PLEKHH1: variants seen among roughly 807,000 people sequenced by gnomAD.
PLEKHH1 encodes the protein pleckstrin homology domain-containing family H member 1.
A neutral mutation model predicts 160.0 loss-of-function variants in PLEKHH1; 104 were observed. The observed-to-expected ratio is 0.65, with a 90% CI of 0.55 to 0.76. The LOEUF (loss-of-function observed/expected upper bound fraction) is 0.76, where lower values mean the gene tolerates loss of function less well. Among genes scored for constraint, PLEKHH1 ranks in the 30% least tolerant of loss-of-function variants. The pLI is 0.00. For synonymous variants in PLEKHH1, 619 were observed against 678.4 expected (o/e 0.91, Z 1.36); for missense variants, 1,427 against 1,724.1 (o/e 0.83, Z 3.05).
At position 67,539,140 on chromosome 14, in the gene PLEKHH1, A is replaced by G. The variant is rs190992128; in HGVS notation, c.-34-2694A>G. 5.9e-5 allele frequency among the ~76,000 whole-genome samples: 9 copies of G among 152,248 alleles called. No homozygotes were observed. The East Asian group carries it at 9.7e-4, about 16-fold the overall frequency. On this transcript the variant is annotated intron_variant, in intron 1 of 28. Transcript: ENST00000329153. ...TAGTCTCAGATCTGCCACTTTTCCT[A>G]TTTATACAAGGAAAAGCAAAATCCC... is the stretch of plus-strand genomic sequence containing the variant.
chr14:67,576,512 A>C lies in PLEKHH1; in HGVS notation c.2461+9A>C, dbSNP rs922815776. ...TGGTGAAGGAGATCCAGGTAAGGCA[A>C]GGGTGGCCACCACTGCTTGGGTTGG... On this transcript the variant is annotated intron_variant, in intron 17 of 28. Coordinates refer to ENST00000329153, the MANE Select transcript of PLEKHH1 (RefSeq NM_020715.3). The surrounding 1 kb of genome is among the most constrained non-coding windows in gnomAD (Gnocchi z 4.0). 4.1e-5 allele frequency: 57 copies of C among 1,402,468 alleles called. No homozygotes were observed. The highest frequency in any genetic ancestry group is 5.7e-5 in the Non-Finnish European group (56 of 987,542). The allele number at this position is 1,402,468 out of a possible 1,614,324, so 86.9% of individuals were successfully genotyped here. A position where few individuals can be genotyped will look rare whatever the true frequency, so the allele number is the denominator to read the frequency against.
chr14:67,561,701 C>G (rs2034841149), intron 5 of PLEKHH1, among the ~76,000 whole-genome samples: 1 of 151,616 alleles, frequency 6.6e-6, no homozygotes, highest in Non-Finnish European at 1.5e-5. Flanking sequence ...GAGCTTGTCT[C>G]TACAAAAAAA....
In PLEKHH1 at chr14:67,573,260, C is replaced by G. The variant is rs1163344488; in HGVS notation, c.1729-16C>G. On this transcript the variant is annotated splice_polypyrimidine_tract_variant and intron_variant, in intron 11 of 28. Coordinates refer to ENST00000329153, the MANE Select transcript of PLEKHH1 (RefSeq NM_020715.3). The surrounding 1 kb of genome is among the most constrained non-coding windows in gnomAD (Gnocchi z 4.8). ...GTGATTTCCCCTTTCTTCATCTACA[C>G]CCTTCCACCCCTCAGGAGTCACTGG... The G allele has an allele frequency of 6.5e-7, 1 of 1,534,316 alleles. No individual in the cohort carries two copies. The highest frequency in any genetic ancestry group is 1.7e-5 in the Admixed American group (1 of 59,926).
In PLEKHH1 at chr14:67,541,967, A is replaced by C. The variant is rs1472437499; in HGVS notation, c.100A>C (p.Lys34Gln). The stretch of plus-strand genomic sequence containing the variant: ...TTTCCGGTTCCGCCTACAGGCCAGC[A>C]AGATAAGGGAGCTGCTGGCTGACAA... ...QLFRFRLQAS[K>Q]IRELLADKMQ... Residue 34 changes from lysine (K) to glutamine (Q), a missense_variant, in exon 2 of 29, where the codon AAG (lysine) becomes CAG (glutamine). Lys to Gln is a moderately conservative substitution (Grantham distance 53). This residue lies in a region of PLEKHH1 where 831 missense variants were observed against 929.2 expected (regional missense o/e 0.89). Coordinates refer to ENST00000329153, the MANE Select transcript of PLEKHH1 (RefSeq NM_020715.3). The C allele has an allele frequency of 1.2e-6, 2 of 1,607,412 alleles. No individual in the cohort carries two copies. The highest frequency in any genetic ancestry group is 2.7e-5 in the African/African-American group (2 of 74,768).
chr14:67,564,059 G>A (rs1306757373), intron 7 of PLEKHH1, among the ~76,000 whole-genome samples: 4 of 151,892 alleles, frequency 2.6e-5, no homozygotes, highest in African/African-American at 7.3e-5. Context: ...CTGCCACCAC[G>A]CCCGGCCAAT....
intron 24 of PLEKHH1, 46 bp from the exon 25 acceptor site, chr14:67,583,695 T>C (rs1016058066): frequency 1.3e-6 from 2 of 1,532,254 alleles, no homozygotes; most frequent in Non-Finnish European, 8.9e-7. Flanking sequence ...ACCTGGCCCA[T>C]CCACTGTCAG....
rs977423111 is a variant in PLEKHH1 at position 67,587,390 on chromosome 14, T to C, written c.*155T>C. The C allele has an allele frequency of 5.0e-6, 4 of 807,304 alleles. No individual in the cohort carries two copies. In the African/African-American group the frequency reaches 6.9e-5, roughly 14 times the overall value. The allele number at this position is 807,304 out of a possible 1,614,324, so 50.0% of individuals were successfully genotyped here. A position where few individuals can be genotyped will look rare whatever the true frequency, so the allele number is the denominator to read the frequency against. The stretch of plus-strand genomic sequence containing the variant: ...TAGTCTCTGTGAAGCCTTTACTCTC[T>C]AGGTGCCTTATAATGTTTCAGGGCT... On this transcript the variant is annotated 3_prime_UTR_variant, in exon 29 of 29. Transcript: ENST00000329153.
intron 3 of PLEKHH1, among the ~76,000 whole-genome samples, 176 bp from the exon 4 acceptor site, chr14:67,557,093 C>G (rs1351868702): frequency 1.3e-5 from 2 of 152,184 alleles, no homozygotes; most frequent in Non-Finnish European, 2.9e-5. Flanking sequence ...TTTGTCAGTC[C>G]TTCTTTTGCT....
intron 2 of PLEKHH1, among the ~76,000 whole-genome samples, chr14:67,548,217 T>C (rs545724124): frequency 8.1e-4 from 124 of 152,358 alleles, no homozygotes; most frequent in African/African-American, 2.8e-3. Flanking sequence ...CCTTGGACTT[T>C]TTCATTCTTG....
chr14:67,541,817 T>C lies in PLEKHH1; in HGVS notation c.-34-17T>C. 6.7e-7 allele frequency: 1 copy of C among 1,499,022 alleles called. No individual in the cohort carries two copies. The highest frequency in any genetic ancestry group is 8.9e-7 in the Non-Finnish European group (1 of 1,118,004). 92.9% of individuals were successfully genotyped at this position (1,499,022 alleles called of 1,614,324 possible). ...ACGCTTATTTATCTTTTCCTCTTTCTGCATGCTGGTTCTTAGGGCTCCCCA... is the reference window on the plus strand; with the variant it reads ...ACGCTTATTTATCTTTTCCTCTTTCCGCATGCTGGTTCTTAGGGCTCCCCA... On this transcript the variant is annotated splice_polypyrimidine_tract_variant and intron_variant, in intron 1 of 28. Transcript: ENST00000329153.
intron 2 of PLEKHH1, among the ~76,000 whole-genome samples, chr14:67,551,296 C>T (rs1264956271): frequency 1.3e-5 from 2 of 152,108 alleles, no homozygotes; most frequent in Admixed American, 6.6e-5. Flanking sequence ...CACACTGTCC[C>T]GGCCAAACTG....
intron 1 of PLEKHH1, 38 bp from the exon 2 acceptor site, chr14:67,541,796 T>G (rs1171283187): frequency 1.4e-6 from 2 of 1,388,440 alleles, no homozygotes; most frequent in Non-Finnish European, 9.7e-7. Flanking sequence ...CCTCACACGC[T>G]TATTTATCTT....
At chr14:67,560,867 A>G (rs961629882) in intron 5 of PLEKHH1, among the ~76,000 whole-genome samples, 1 of 151,028 alleles carries the variant, frequency 6.6e-6, no homozygotes, top group Non-Finnish European at 1.5e-5. Flanking sequence ...AGTAGCTGGG[A>G]TTACAGGCAC....
intron 8 of PLEKHH1, 127 bp downstream of exon 8, chr14:67,569,343 G>C (rs750449297): frequency 3.2e-6 from 2 of 629,322 alleles, no homozygotes; most frequent in Non-Finnish European, 5.6e-6. Context: ...CCCCTCCCCA[G>C]CAGGTGAAGT....
chr14:67,569,028 C>A, intron 7 of PLEKHH1, 110 bp from the exon 8 acceptor site: 1 of 657,104 alleles, frequency 1.5e-6, no homozygotes, highest in South Asian at 1.9e-5. Context: ...CAGTCACTGC[C>A]CCCCACAGGT....
intron 2 of PLEKHH1, among the ~76,000 whole-genome samples, chr14:67,554,092 G>A (rs2034500347): frequency 6.6e-6 from 1 of 152,132 alleles, no homozygotes; most frequent in Admixed American, 6.5e-5. Flanking sequence ...TGCCCCGAAA[G>A]CATCTGTGTC....
At chr14:67,546,764 G>A (rs1275276552) in intron 2 of PLEKHH1, among the ~76,000 whole-genome samples, 1 of 152,184 alleles carries the variant, frequency 6.6e-6, no homozygotes, top group African/African-American at 2.4e-5. Flanking sequence ...TGACTTAGAG[G>A]CCAAGGTAGG....
At chr14:67,554,233 G>C (rs1211639827) in intron 2 of PLEKHH1, among the ~76,000 whole-genome samples, 1 of 152,174 alleles carries the variant, frequency 6.6e-6, no homozygotes, top group Non-Finnish European at 1.5e-5. Context: ...GCAGGCTGGG[G>C]GGTCCTGCTC....
At chr14:67,586,266 G>A (rs749269) in intron 28 of PLEKHH1, 169 bp downstream of exon 28, 30,233 of 1,084,600 alleles carry the variant, frequency 0.028, 1,298 homozygotes, top group East Asian at 0.13. Flanking sequence ...TTGCATCTCC[G>A]TATCAATGTT....
Sources: gnomAD v4.1 joint callset for allele counts (sites outside exome capture counted in the v4.1 genomes callset) on GRCh38, gnomAD v4.1.1 for gene constraint, gnomAD v4.1.1 regional missense constraint, Gnocchi (gnomAD v3.1) non-coding constraint, MANE v1.5 for transcripts, NCBI Gene and HGNC (gene_info 2026-07-23, HGNC 2026-07-21) for gene names.